The following ASMTL variants were observed in gnomAD, a reference collection of about 807,000 sequenced individuals.
ASMTL encodes probable bifunctional dTTP/UTP pyrophosphatase/methyltransferase protein.
Under a neutral mutation model 60.3 loss-of-function variants are expected in ASMTL, and 57 were observed. The observed-to-expected ratio is 0.95, with a 90% confidence interval of 0.76 to 1.18. ASMTL has a LOEUF of 1.18. Ranked by LOEUF, ASMTL falls within the 50% of genes most tolerant of loss-of-function variation. The pLI is 0.00. For synonymous variants in ASMTL, 419 were observed against 373.0 expected (o/e 1.12, Z -1.42); for missense variants, 981 against 852.6 (o/e 1.15, Z -1.88).
intron 3 of ASMTL, among the ~76,000 whole-genome samples, chrX:1,437,480 C>A (rs755269825): frequency 9.2e-5 from 14 of 152,012 alleles, no homozygotes; most frequent in African/African-American, 3.4e-4. Context: ...ACGCCGTCTT[C>A]CCCCTGTGTC....
chrX:1,403,853 G>A (rs1176503993), intron 12 of ASMTL, among the ~76,000 whole-genome samples: 3 of 152,128 alleles, frequency 2.0e-5, no homozygotes, highest in Non-Finnish European at 2.9e-5. Flanking sequence ...TGAACAGATG[G>A]TAAGTGATGG....
At chrX:1,416,745 TCATGCACACACAGACA>T (rs1339034377) in intron 11 of ASMTL, among the ~76,000 whole-genome samples, 9 of 100,426 alleles carry the variant, frequency 9.0e-5, no homozygotes, top group African/African-American at 2.9e-4. Context: ...ACACAGTCAG[TCATGCACACACAGACA>T]CATGCACACA....
intron 5 of ASMTL, among the ~76,000 whole-genome samples, chrX:1,433,134 T>C (rs1473688820): frequency 6.6e-6 from 1 of 151,916 alleles, no homozygotes; most frequent in Non-Finnish European, 1.5e-5. Context: ...ATGTTTGGTC[T>C]GTGCCTCAGG....
intron 1 of ASMTL, among the ~76,000 whole-genome samples, chrX:1,448,471 A>C (rs1319561137): frequency 6.3e-4 from 76 of 120,892 alleles, no homozygotes; most frequent in East Asian, 1.9e-3. Flanking sequence ...TGGACACACA[A>C]CATCTTGGAC....
chrX:1,418,936 CTTAA>C (rs1206926244), intron 10 of ASMTL, 42 bp downstream of exon 10: 3 of 1,610,668 alleles, frequency 1.9e-6, no homozygotes, highest in East Asian at 4.5e-5. Flanking sequence ...ATACCTGTGG[CTTAA>C]TAAACGAAAG....
chrX:1,425,113 ATCTC>A (rs1409244201), intron 8 of ASMTL, among the ~76,000 whole-genome samples: 15 of 152,148 alleles, frequency 9.9e-5, no homozygotes, highest in South Asian at 4.1e-4. Flanking sequence ...TGTATCTGTC[ATCTC>A]TCTATCGTCA....
intron 6 of ASMTL, among the ~76,000 whole-genome samples, chrX:1,429,052 A>T (rs763130951): frequency 6.6e-6 from 1 of 151,260 alleles, no homozygotes; most frequent in East Asian, 1.9e-4. Flanking sequence ...ACCTGCCAAC[A>T]CACCCGGCTA....
chrX:1,431,200 T>C (rs2090771859), intron 6 of ASMTL, among the ~76,000 whole-genome samples: 1 of 124,686 alleles, frequency 8.0e-6, no homozygotes, highest in East Asian at 2.2e-4. Flanking sequence ...TAATTATATA[T>C]CATTTATAAT....
intron 7 of ASMTL, among the ~76,000 whole-genome samples, chrX:1,426,801 C>T (rs1393307785): frequency 1.3e-5 from 2 of 151,982 alleles, no homozygotes; most frequent in African/African-American, 2.4e-5. Context: ...TGCTAAGACC[C>T]CTTTTTAAAA....
In ASMTL at chrX:1,425,557, G is replaced by T. The variant is rs746543072; in HGVS notation, c.1028C>A (p.Ala343Asp). ...TGTCTTCTCCAGGAGCCCCATGGCA[G>T]CACAGATGTCCAGAAGCCTCTCCAT... Reference protein sequence around the residue: ...CGMERLLDICAAMGLLEKTEQ... With the variant: ...CGMERLLDICDAMGLLEKTEQ... Residue 343 changes from alanine (A) to aspartate (D), a missense_variant, in exon 8 of 13, where the codon GCT (alanine) becomes GAT (aspartate). Physicochemically the swap from Ala to Asp is moderately radical, Grantham distance 126. Coordinates refer to ENST00000381317, the MANE Select transcript of ASMTL (RefSeq NM_004192.4). The T allele has an allele frequency of 6.2e-7, 1 of 1,613,360 alleles. No individual in the cohort carries two copies. The highest frequency in any genetic ancestry group is 1.1e-5 in the South Asian group (1 of 91,064).
intron 11 of ASMTL, among the ~76,000 whole-genome samples, chrX:1,416,328 C>CACACGGACATACAGATACAGTG (rs2090257883): frequency 3.3e-5 from 1 of 30,440 alleles, no homozygotes; most frequent in African/African-American, 6.1e-5. Context: ...GACACACACA[C>CACACGGACATACAGATACAGTG]ACACGGACAT....
At chrX:1,423,086 G>A (rs2090522841) in intron 8 of ASMTL, among the ~76,000 whole-genome samples, 2 of 152,052 alleles carry the variant, frequency 1.3e-5, no homozygotes, top group Non-Finnish European at 2.9e-5. Flanking sequence ...CCGAGTAGCT[G>A]GGACTACAGG....
At chrX:1,415,042 G>C (rs1181947039) in intron 11 of ASMTL, among the ~76,000 whole-genome samples, 2 of 130,014 alleles carry the variant, frequency 1.5e-5, no homozygotes, top group Non-Finnish European at 3.3e-5. Context: ...CCGGGTTCAA[G>C]CGATTCTCCT....
chrX:1,427,702 G>A (rs1268724385), intron 7 of ASMTL, 32 bp downstream of exon 7: 1 of 1,572,334 alleles, frequency 6.4e-7, no homozygotes, highest in Non-Finnish European at 8.7e-7. Context: ...GCTCATTTGT[G>A]AAATGTGGCC....
At chrX:1,452,714 C>G in intron 1 of ASMTL, 34 bp downstream of exon 1, 1 of 1,551,408 alleles carries the variant, frequency 6.4e-7, no homozygotes, top group Non-Finnish European at 8.7e-7. Context: ...CCCTCCGTCC[C>G]CGGTCCCCTG....
In ASMTL at chrX:1,403,266, G is replaced by A; in HGVS notation, c.*3C>T. ...TCCCTATAATGAACATGCTGCCTGGGCTTCAGGGGGCCACTTTGGTGGCCA... is the reference window on the plus strand; with the variant it reads ...TCCCTATAATGAACATGCTGCCTGGACTTCAGGGGGCCACTTTGGTGGCCA... On this transcript the variant is annotated 3_prime_UTR_variant, in exon 13 of 13. Transcript: ENST00000381317. 1 of 1,609,742 alleles carries A rather than the reference G, an allele frequency of 6.2e-7. No individual in the cohort carries two copies. The highest frequency in any genetic ancestry group is 1.1e-5 in the South Asian group (1 of 90,968).
chrX:1,404,168 G>A (rs867390656), intron 12 of ASMTL, among the ~76,000 whole-genome samples: 90 of 147,544 alleles, frequency 6.1e-4, no homozygotes, highest in African/African-American at 2.2e-3. Context: ...GGGTACGTAG[G>A]TAGATGGATG....
intron 5 of ASMTL, among the ~76,000 whole-genome samples, chrX:1,433,098 A>T (rs2090853507): frequency 6.6e-6 from 1 of 151,892 alleles, no homozygotes; most frequent in East Asian, 1.9e-4. Context: ...ACTCTGTCTC[A>T]AATAAATAAA....
At chrX:1,433,543 G>A (rs868312603) in intron 5 of ASMTL, among the ~76,000 whole-genome samples, 6 of 151,168 alleles carry the variant, frequency 4.0e-5, no homozygotes, top group Middle Eastern at 3.4e-3. Flanking sequence ...TTAGCCGGGC[G>A]TGGTGGCGGG....
Sources: gnomAD v4.1 joint callset for allele counts (sites outside exome capture counted in the v4.1 genomes callset) on GRCh38, gnomAD v4.1.1 for gene constraint, MANE v1.5 for transcripts, NCBI Gene and HGNC (gene_info 2026-07-23, HGNC 2026-07-21) for gene names.